The following FSTL5 variants were observed in gnomAD, a reference collection of about 807,000 sequenced individuals.
FSTL5 encodes the protein follistatin-related protein 5.
FSTL5 carries 62 observed loss-of-function variants against 89.1 expected under a neutral mutation model. The observed-to-expected ratio is 0.70, with a 90% CI of 0.57 to 0.86. FSTL5 has a LOEUF of 0.86. Ranked by LOEUF, FSTL5 falls within the 40% of genes least tolerant of loss-of-function variation. The probability of loss-of-function intolerance (pLI) is 0.00; values close to 1 mark genes in which losing one functional copy is unlikely to be tolerated. For missense variants in FSTL5, 1,057 were observed against 1,001.6 expected (o/e 1.06, Z -0.75); for synonymous variants, 383 against 346.2 (o/e 1.11, Z -1.18).
chr4:161,993,565 C>A (rs1381982360), intron 3 of FSTL5, among the ~76,000 whole-genome samples: 2 of 151,928 alleles, frequency 1.3e-5, no homozygotes, highest in East Asian at 3.9e-4. Flanking sequence ...TTGATATATG[C>A]ATATAATATA....
Position 162,050,882 on chromosome 4 carries a change from C to T in FSTL5, c.127-17224G>A, listed in dbSNP as rs1035531487. Among the ~76,000 whole-genome samples the T allele has an allele frequency of 2.0e-5, 3 of 150,634 alleles. No individual in the cohort carries two copies. In the South Asian group the frequency reaches 6.3e-4, roughly 32 times the overall value. The stretch of plus-strand genomic sequence containing the variant: ...TGTAGATTAACTAGAAGAAATTAGG[C>T]CTATAAAATGAAAGCAGGAAATAGG... On this transcript the variant is annotated intron_variant, in intron 2 of 15. Transcript: ENST00000306100.
chr4:161,762,610 T>C (rs1579074524), intron 5 of FSTL5, among the ~76,000 whole-genome samples: 1 of 152,278 alleles, frequency 6.6e-6, no homozygotes, highest in African/African-American at 2.4e-5. Context: ...TATAAAATGA[T>C]ATAAAAGGTA....
intron 4 of FSTL5, among the ~76,000 whole-genome samples, chr4:161,852,043 C>T (rs6813578): frequency 6.6e-6 from 1 of 152,020 alleles, no homozygotes; most frequent in African/African-American, 2.4e-5. Flanking sequence ...TTGTAAATTA[C>T]TTTATTTATG....
intron 6 of FSTL5, among the ~76,000 whole-genome samples, chr4:161,748,623 T>C (rs1383032169): frequency 6.6e-6 from 1 of 150,702 alleles, no homozygotes; most frequent in Admixed American, 6.6e-5. Flanking sequence ...TTTTTTTTTT[T>C]TTTTTCTCAG....
chr4:161,546,605 C>A (rs983750719), intron 8 of FSTL5, among the ~76,000 whole-genome samples: 1 of 151,678 alleles, frequency 6.6e-6, no homozygotes, highest in African/African-American at 2.4e-5. Context: ...TATGCCAACA[C>A]GTAACTTTAA....
intron 7 of FSTL5, among the ~76,000 whole-genome samples, chr4:161,649,517 G>T (rs1483273925): frequency 6.6e-6 from 1 of 151,930 alleles, no homozygotes; most frequent in East Asian, 1.9e-4. Flanking sequence ...GTTTACCAAA[G>T]GTATAAAAAT....
intron 8 of FSTL5, among the ~76,000 whole-genome samples, chr4:161,543,719 C>T (rs745779198): frequency 2.5e-4 from 38 of 151,060 alleles, no homozygotes; most frequent in Non-Finnish European, 4.3e-4. Context: ...AGAAAATAAG[C>T]CTGAACTCCT....
At chr4:162,147,740 C>T (rs996816886) in intron 1 of FSTL5, among the ~76,000 whole-genome samples, 5 of 152,118 alleles carry the variant, frequency 3.3e-5, no homozygotes, top group East Asian at 1.9e-4. Flanking sequence ...GGGCCAGGAG[C>T]GGTGGCTCAC....
chr4:161,478,373 A>G (rs1330742895), intron 13 of FSTL5, among the ~76,000 whole-genome samples: 14 of 152,124 alleles, frequency 9.2e-5, no homozygotes. Flanking sequence ...TAATCAACCA[A>G]TCAATACATC....
At chr4:161,582,859 G>C (rs1336011691) in intron 8 of FSTL5, among the ~76,000 whole-genome samples, 1 of 152,102 alleles carries the variant, frequency 6.6e-6, no homozygotes, top group Non-Finnish European at 1.5e-5. Flanking sequence ...ATCAGTGGAA[G>C]TTATCACTGG....
intron 11 of FSTL5, 55 bp from the exon 12 acceptor site, chr4:161,500,189 C>A (rs1730248919): frequency 1.7e-6 from 2 of 1,202,596 alleles, no homozygotes; most frequent in African/African-American, 1.5e-5. Context: ...TAAACCTTTA[C>A]AACCAAAATT....
At chr4:161,811,906 T>A (rs186262850) in intron 4 of FSTL5, among the ~76,000 whole-genome samples, 6 of 152,328 alleles carry the variant, frequency 3.9e-5, no homozygotes, top group African/African-American at 1.4e-4. Context: ...ACATATAGAA[T>A]GTTCCGAGGA....
At chr4:161,482,398 ATTT>A (rs140627920) in intron 12 of FSTL5, among the ~76,000 whole-genome samples, 2 of 152,018 alleles carry the variant, frequency 1.3e-5, no homozygotes, top group Non-Finnish European at 2.9e-5. Context: ...ATTTCATTTG[ATTT>A]TTTGTCTGAC....
rs1284565413 is a variant in FSTL5, at chr4:161,963,476, G to A, written c.161-42824C>T. Among the ~76,000 whole-genome samples the A allele has an allele frequency of 2.0e-5, 3 of 151,812 alleles. No homozygotes were observed. In the East Asian group the frequency reaches 5.8e-4, roughly 29 times the overall value. On this transcript the variant is annotated intron_variant, in intron 3 of 15. Coordinates refer to ENST00000306100, the MANE Select transcript of FSTL5 (RefSeq NM_020116.5). The stretch of plus-strand genomic sequence containing the variant: ...CAGTAACCTTGGTTCCTGTATCACA[G>A]ATAATGTGATTTTCCTCTAATATAT...
chr4:162,058,423 C>CTTTT lies in FSTL5; in HGVS notation c.127-24769_127-24766dup, dbSNP rs764578152. Among the ~76,000 whole-genome samples the CTTTT allele has an allele frequency of 7.1e-4, 80 of 112,068 alleles. 2 individuals are homozygous for CTTTT. Among genetic ancestry groups the CTTTT allele is most frequent in the African/African-American group, 1.2e-3 (34 of 28,670 alleles). 73.5% of individuals were successfully genotyped at this position (112,068 alleles called of 152,430 possible). A position where few individuals can be genotyped will look rare whatever the true frequency, so the allele number is the denominator to read the frequency against. On this transcript the variant is annotated intron_variant, in intron 2 of 15. Coordinates refer to ENST00000306100, the MANE Select transcript of FSTL5 (RefSeq NM_020116.5). Reference sequence around the variant, plus strand: ...TTACACTTTCAACTAATAAATTCCTCTTTTTTTTTTTTTTTTTTTTTGAGA... The same window carrying CTTTT: ...TTACACTTTCAACTAATAAATTCCTCTTTTTTTTTTTTTTTTTTTTTTTTTGAGA...
At chr4:161,580,627 T>A (rs919922247) in intron 8 of FSTL5, among the ~76,000 whole-genome samples, 2 of 152,106 alleles carry the variant, frequency 1.3e-5, no homozygotes, top group East Asian at 1.9e-4. Flanking sequence ...GAGCTTCCCA[T>A]TGAGTGAGTG....
At chr4:161,880,110 G>A (rs1161230895) in intron 4 of FSTL5, among the ~76,000 whole-genome samples, 1 of 151,998 alleles carries the variant, frequency 6.6e-6, no homozygotes, top group South Asian at 2.1e-4. Flanking sequence ...TTAAGTCCTA[G>A]GTATATTTGG....
chr4:161,776,233 C>T (rs1331733797), intron 4 of FSTL5, among the ~76,000 whole-genome samples, 159 bp from the exon 5 acceptor site: 1 of 151,960 alleles, frequency 6.6e-6, no homozygotes, highest in African/African-American at 2.4e-5. Flanking sequence ...AAAAAATGGG[C>T]TAGTTCCATG....
chr4:161,939,397 T>G (rs1465931039), intron 3 of FSTL5, among the ~76,000 whole-genome samples: 1 of 152,032 alleles, frequency 6.6e-6, no homozygotes, highest in Non-Finnish European at 1.5e-5. Context: ...TTCTTTTTAC[T>G]CTCTGTATAT....
Sources: allele counts gnomAD v4.1 joint callset (sites outside exome capture counted in the v4.1 genomes callset), GRCh38; gene constraint gnomAD v4.1.1; transcripts MANE v1.5; gene names NCBI Gene and HGNC (gene_info 2026-07-23, HGNC 2026-07-21).